The following TBC1D9B variants were observed in gnomAD, a reference collection of about 807,000 sequenced individuals.
The protein encoded by TBC1D9B is TBC1 domain family, member 9B (with GRAM domain).
TBC1D9B carries 87 observed loss-of-function variants against 121.1 expected under a neutral mutation model. The observed-to-expected ratio is 0.72, with a 90% CI of 0.60 to 0.86. TBC1D9B has a LOEUF of 0.86. Among genes scored for constraint, TBC1D9B ranks in the 40% least tolerant of loss-of-function variants. The pLI is 0.00. For missense variants in TBC1D9B, 1,540 were observed against 1,628.6 expected, an observed-to-expected ratio of 0.95 and a Z score of 0.94; for synonymous variants, 668 against 670.1, an observed-to-expected ratio of 1.00 and a Z score of 0.05.
chr5:179,879,777 G>T lies in TBC1D9B; in HGVS notation c.1267C>A (p.Pro423Thr). 1 of 1,611,594 alleles carries T rather than the reference G, an allele frequency of 6.2e-7. No individual in the cohort carries two copies. The change falls in exon 8 of 21, where the codon CCT becomes ACT. Residue 423 changes from proline (P) to threonine (T), a missense_variant. Coordinates refer to ENST00000355235, the MANE Select transcript of TBC1D9B (RefSeq NM_015043.4). ...VDPSTESSPA[P>T]QEGSEQPASP... is the part of the protein sequence containing the mutation. ...GCGGGCTGCTCCGACCCCTCCTGAG[G>T]AGCTGGGGAAGACTAGAAAATAAAA...
intron 7 of TBC1D9B, 29 bp downstream of exon 7, chr5:179,888,074 G>A (rs1423871267): frequency 5.6e-6 from 9 of 1,612,072 alleles, no homozygotes; most frequent in Admixed American, 3.3e-5. Flanking sequence ...GGCCCAACTC[G>A]ACCCTGCTGC....
At chr5:179,893,874 G>A (rs553365710) in intron 4 of TBC1D9B, among the ~76,000 whole-genome samples, 1 of 152,302 alleles carries the variant, frequency 6.6e-6, no homozygotes, top group Admixed American at 6.5e-5. Flanking sequence ...ACAGGTAAGC[G>A]GCAAGGGCAG....
At position 179,865,938 on chromosome 5, in the gene TBC1D9B, G is replaced by GA. The variant is rs1050004685; in HGVS notation, c.2864-51dup. On this transcript the variant is annotated intron_variant, in intron 18 of 20. Coordinates refer to ENST00000355235, the MANE Select transcript of TBC1D9B (RefSeq NM_015043.4). The surrounding 1 kb of genome is among the most constrained non-coding windows in gnomAD (Gnocchi z 5.1). The stretch of plus-strand genomic sequence containing the variant: ...AACATGAATAACATTCTGCTGTTGG[G>GA]ACTGCAAGCTCCTGGGGTCCTTGAG... 3.7e-6 allele frequency: 6 copies of GA among 1,605,948 alleles called. No homozygotes were observed. The African/African-American group carries it at 4.0e-5, about 11-fold the overall frequency.
intron 3 of TBC1D9B, among the ~76,000 whole-genome samples, chr5:179,897,667 A>G (rs1280347676): frequency 6.6e-6 from 1 of 152,200 alleles, no homozygotes; most frequent in Non-Finnish European, 1.5e-5. Context: ...TCCTTGGCCT[A>G]TGAGTCATTT....
At position 179,894,523 on chromosome 5, in the gene TBC1D9B, TG is replaced by T. The variant is rs1760966164; in HGVS notation, c.439del (p.Gln147SerfsTer11). 1 of 1,614,238 alleles carries T rather than the reference TG, an allele frequency of 6.2e-7. No individual in the cohort carries two copies. On this transcript the variant is annotated frameshift_variant, in exon 4 of 21. Coordinates refer to ENST00000355235, the MANE Select transcript of TBC1D9B (RefSeq NM_015043.4). LOFTEE classifies it high-confidence loss of function. ...CTTCTCGCCCTCAGGCATCCCAAAC[TG>T]CTTCCGCATCTTCAGCTCAGCCTCC... Reference protein sequence around the residue: ...FKEAELKMRKQFGMPEGEKLV... With the variant: ...FKEAELKMRKXFGMPEGEKLV...
Position 179,893,601 on chromosome 5 carries a change from T to A in TBC1D9B, c.578-134A>T, listed in dbSNP as rs144577475. On this transcript the variant is annotated intron_variant, in intron 4 of 20. Transcript: ENST00000355235. The stretch of plus-strand genomic sequence containing the variant: ...CACTTCCTGTGTGCCCAGGCCTGTC[T>A]GGGCTGTGTCACGCCCTCCATGTGG... 3.0e-4 allele frequency: 387 copies of A among 1,280,830 alleles called. No individual in the cohort carries two copies. In the East Asian group the frequency reaches 7.1e-3, roughly 23 times the overall value. 79.3% of individuals were successfully genotyped at this position (1,280,830 alleles called of 1,614,324 possible).
chr5:179,869,364 C>T (rs544847079), intron 17 of TBC1D9B: 43 of 366,166 alleles, frequency 1.2e-4, no homozygotes, highest in African/African-American at 1.9e-4. Context: ...AGAAGTGGCC[C>T]CTCCTCATGG....
At chr5:179,887,988 C>T (rs1366631197) in intron 7 of TBC1D9B, 115 bp downstream of exon 7, 1 of 1,332,352 alleles carries the variant, frequency 7.5e-7, no homozygotes, top group Non-Finnish European at 1.1e-6. Flanking sequence ...ACATCCACCC[C>T]TAGGCGGAGG....
At chr5:179,867,612 C>T in intron 18 of TBC1D9B, 166 bp downstream of exon 18, 1 of 1,486,510 alleles carries the variant, frequency 6.7e-7, no homozygotes, top group Non-Finnish European at 9.2e-7. Flanking sequence ...GGCCCCAGCC[C>T]CCGCCAGCAT....
chr5:179,865,395 ATG>A lies in TBC1D9B; in HGVS notation c.2915-37_2915-36del. The A allele has an allele frequency of 6.3e-7, 1 of 1,597,152 alleles. No homozygotes were observed. Among genetic ancestry groups the A allele is most frequent in the Non-Finnish European group, 8.6e-7 (1 of 1,164,828 alleles). On this transcript the variant is annotated intron_variant, in intron 19 of 20. Coordinates refer to ENST00000355235, the MANE Select transcript of TBC1D9B (RefSeq NM_015043.4). The surrounding 1 kb of genome is among the most constrained non-coding windows in gnomAD (Gnocchi z 5.1). The stretch of plus-strand genomic sequence containing the variant: ...AGGAGGAAAGAGATTAATCTTTGTC[ATG>A]TGAGACGGCTGCGGGCTGACAGCAG...
At chr5:179,906,199 A>G (rs1761308565) in intron 1 of TBC1D9B, among the ~76,000 whole-genome samples, 2 of 152,216 alleles carry the variant, frequency 1.3e-5, no homozygotes, top group Non-Finnish European at 2.9e-5. Context: ...GACAGTACTC[A>G]GGAGGCCACG....
In TBC1D9B at chr5:179,872,971, G is replaced by A. The variant is rs778326824; in HGVS notation, c.2336C>T (p.Ala779Val). ...VSYEKFSSLR[A>V]EDIEQMRFKQ... ...AAACCGCATCTGCTCAATGTCTTCG[G>A]CCCTCAGGCTGCTGAATTTCTATAG... Residue 779 changes from alanine (A) to valine (V), a missense_variant, in exon 14 of 21, where the codon GCC becomes GTC. By Grantham distance (64) the Ala-to-Val change is moderately conservative. Coordinates refer to ENST00000355235, the MANE Select transcript of TBC1D9B (RefSeq NM_015043.4). 1 of 1,614,028 alleles carries A rather than the reference G, an allele frequency of 6.2e-7. No individual in the cohort carries two copies. Among genetic ancestry groups the A allele is most frequent in the Admixed American group, 1.7e-5 (1 of 60,018 alleles).
chr5:179,879,204 GA>G lies in TBC1D9B; in HGVS notation c.1417-8del. On this transcript the variant is annotated splice_polypyrimidine_tract_variant and splice_region_variant and intron_variant, in intron 8 of 20. Coordinates refer to ENST00000355235, the MANE Select transcript of TBC1D9B (RefSeq NM_015043.4). ...CTTTCATCTTCTCCTTGGCCTGAGGGAAAAGCGCATCAGGGAGCCTGGGGGC... is the reference window on the plus strand; with the variant it reads ...CTTTCATCTTCTCCTTGGCCTGAGGGAAAGCGCATCAGGGAGCCTGGGGGC... The G allele has an allele frequency of 1.3e-6, 2 of 1,597,814 alleles. No homozygotes were observed.
chr5:179,894,353 T>C (rs764426570), intron 4 of TBC1D9B, 33 bp downstream of exon 4: 1 of 1,520,682 alleles, frequency 6.6e-7, no homozygotes, highest in Admixed American at 2.0e-5. Context: ...GCTGAGGGTG[T>C]GGGGGCTGGG....
chr5:179,886,203 C>A (rs1760679999), intron 7 of TBC1D9B, among the ~76,000 whole-genome samples: 1 of 152,154 alleles, frequency 6.6e-6, no homozygotes, highest in Non-Finnish European at 1.5e-5. Flanking sequence ...CTTATCACTG[C>A]CTGACATATT....
intron 14 of TBC1D9B, 22 bp from the exon 15 acceptor site, chr5:179,871,552 G>A: frequency 6.2e-7 from 1 of 1,610,114 alleles, no homozygotes; most frequent in Non-Finnish European, 8.5e-7. Context: ...GAGAAACAGG[G>A]TATATAGCTG....
intron 18 of TBC1D9B, 140 bp downstream of exon 18, chr5:179,867,638 G>C (rs780966268): frequency 2.7e-6 from 4 of 1,483,906 alleles, no homozygotes; most frequent in Non-Finnish European, 3.7e-6. Flanking sequence ...AGCCCAGCCC[G>C]TGGTCCCCTG....
Position 179,870,274 on chromosome 5 carries a change from C to CTTGAAG in TBC1D9B, c.2700_2705dup (p.Asn900_Phe901dup). 1 of 1,613,892 alleles carries CTTGAAG rather than the reference C, an allele frequency of 6.2e-7. No individual in the cohort carries two copies. The highest frequency in any genetic ancestry group is 8.5e-7 in the Non-Finnish European group (1 of 1,180,016). ...ACTCACTCATCCCTGTCACGAACTC[C>CTTGAAG]TTGAAGTTGATCAGCGAGTCCTTGT... On this transcript the variant is annotated inframe_insertion, in exon 16 of 21. Coordinates refer to ENST00000355235, the MANE Select transcript of TBC1D9B (RefSeq NM_015043.4).
intron 4 of TBC1D9B, 55 bp downstream of exon 4, chr5:179,894,331 A>G (rs1760956255): frequency 1.3e-6 from 2 of 1,495,606 alleles, no homozygotes; most frequent in Non-Finnish European, 1.8e-6. Flanking sequence ...TGGGGGCCGA[A>G]GGCAGGGAGG....
Sources: allele counts gnomAD v4.1 joint callset (sites outside exome capture counted in the v4.1 genomes callset), GRCh38; gene constraint gnomAD v4.1.1; non-coding constraint Gnocchi (gnomAD v3.1); transcripts MANE v1.5; gene names NCBI Gene and HGNC (gene_info 2026-07-23, HGNC 2026-07-21).